Variants in ATAD2 observed in about 807,000 individuals in gnomAD.
The protein encoded by ATAD2 is ATPase family AAA domain-containing protein 2.
Under a neutral mutation model 168.9 loss-of-function variants are expected in ATAD2, and 62 were observed. That is an observed-to-expected ratio of 0.37 (90% confidence interval 0.30 to 0.45). The LOEUF is 0.45. Among genes scored for constraint, ATAD2 ranks in the 20% least tolerant of loss-of-function variants. ATAD2 has a pLI of 1.00. For synonymous variants in ATAD2, 613 were observed against 571.6 expected (o/e 1.07, Z -1.03); for missense variants, 1,419 against 1,667.8 (o/e 0.85, Z 2.60).
rs185407775 is a variant in ATAD2, at chr8:123,389,559, G to A, written c.171+6628C>T. On this transcript the variant is annotated intron_variant, in intron 1 of 27. Coordinates refer to ENST00000287394, the MANE Select transcript of ATAD2 (RefSeq NM_014109.4). ...GGAGGCTGAGGCAGGAGAATGGCGT[G>A]AACCCAGAAGGAGGAGCTTGCAGTG... is the stretch of plus-strand genomic sequence containing the variant. Among the ~76,000 whole-genome samples the A allele has an allele frequency of 9.2e-5, 14 of 151,686 alleles. No individual in the cohort carries two copies. The East Asian group carries it at 2.4e-3, about 26-fold the overall frequency.
intron 8 of ATAD2, among the ~76,000 whole-genome samples, chr8:123,367,886 G>A (rs1227547397): frequency 6.6e-6 from 1 of 152,190 alleles, no homozygotes; most frequent in African/African-American, 2.4e-5. Context: ...CAAAGGTGCT[G>A]CTTCCATGAC....
intron 19 of ATAD2, among the ~76,000 whole-genome samples, chr8:123,343,172 C>T (rs547458764): frequency 6.6e-6 from 1 of 152,060 alleles, no homozygotes; most frequent in East Asian, 1.9e-4. Context: ...GACAAGGTTT[C>T]ACCATGTTGG....
chr8:123,413,557 A>C (rs547334491), intron 1 of ATAD2, among the ~76,000 whole-genome samples: 1 of 152,278 alleles, frequency 6.6e-6, no homozygotes, highest in African/African-American at 2.4e-5. Context: ...AAGGTCACTC[A>C]GGGTAGTAAG....
intron 8 of ATAD2, among the ~76,000 whole-genome samples, chr8:123,364,967 A>G (rs939993303): frequency 6.6e-6 from 1 of 152,184 alleles, no homozygotes; most frequent in Non-Finnish European, 1.5e-5. Context: ...TATCCAAATC[A>G]GTAAAAAGGA....
upstream of ATAD2, among the ~76,000 whole-genome samples, chr8:123,399,081 T>C (rs1812964356): frequency 6.6e-6 from 1 of 151,838 alleles, no homozygotes; most frequent in African/African-American, 2.4e-5. Context: ...GTCAACATGG[T>C]GAAACCCCGT....
intron 25 of ATAD2, among the ~76,000 whole-genome samples, chr8:123,326,855 A>T (rs1313228775): frequency 1.3e-5 from 2 of 152,300 alleles, no homozygotes; most frequent in African/African-American, 4.8e-5. Context: ...ATTTAGAACA[A>T]TACATTCAAT....
At chr8:123,338,867 C>T (rs373677462) in intron 20 of ATAD2, among the ~76,000 whole-genome samples, 4 of 152,060 alleles carry the variant, frequency 2.6e-5, no homozygotes, top group African/African-American at 9.7e-5. Flanking sequence ...CCACTTCACT[C>T]CAGTGGATGA....
rs1829094723 is a variant in ATAD2 at position 123,369,921 on chromosome 8, A to ATCT, written c.830_831insAGA (p.Asp276_Asp277insGlu). 1.4e-6 allele frequency: 2 copies of ATCT among 1,415,454 alleles called. No individual in the cohort carries two copies. The highest frequency in any genetic ancestry group is 3.0e-5 in the African/African-American group (2 of 66,738). The allele number at this position is 1,415,454 out of a possible 1,614,324, so 87.7% of individuals were successfully genotyped here. On this transcript the variant is annotated inframe_insertion, in exon 7 of 28. Coordinates refer to ENST00000287394, the MANE Select transcript of ATAD2 (RefSeq NM_014109.4). The stretch of plus-strand genomic sequence containing the variant: ...CATCTTCTTCATCTTCATCATCTTC[A>ATCT]TCATCATCATCATCATCATCATCGT...
intron 1 of ATAD2, chr8:123,401,992 G>A: frequency 1.6e-6 from 2 of 1,244,248 alleles, no homozygotes; most frequent in South Asian, 2.4e-5. Flanking sequence ...CCCGCAGCCT[G>A]TCTGTCCTTT....
intron 19 of ATAD2, among the ~76,000 whole-genome samples, chr8:123,342,183 A>G (rs1405743455): frequency 6.6e-6 from 1 of 152,226 alleles, no homozygotes; most frequent in East Asian, 1.9e-4. Context: ...CAGAAGACAA[A>G]CTTGCCAATG....
At chr8:123,371,566 T>C (rs1049466902) in intron 4 of ATAD2, 104 bp downstream of exon 4, 5 of 1,023,354 alleles carry the variant, frequency 4.9e-6, no homozygotes, top group Admixed American at 5.7e-5. Flanking sequence ...ACGCTTTACG[T>C]AGTAGAATGC....
intron 24 of ATAD2, among the ~76,000 whole-genome samples, chr8:123,333,060 C>A (rs1356660426): frequency 6.6e-6 from 1 of 151,664 alleles, no homozygotes; most frequent in Non-Finnish European, 1.5e-5. Flanking sequence ...ACACCGCTAA[C>A]CCTAACCTTA....
chr8:123,411,594 T>C (rs1405113399), intron 1 of ATAD2, among the ~76,000 whole-genome samples: 1 of 151,656 alleles, frequency 6.6e-6, no homozygotes, highest in Admixed American at 6.6e-5. Context: ...TAGGAAAAAA[T>C]AGGAGGTAAA....
At chr8:123,322,089 G>A (rs1318291574) in intron 27 of ATAD2, among the ~76,000 whole-genome samples, 1 of 150,742 alleles carries the variant, frequency 6.6e-6, no homozygotes, top group Non-Finnish European at 1.5e-5. Context: ...CCAGGTTCAA[G>A]TGATTCTCAT....
chr8:123,401,896 G>T lies in ATAD2; in HGVS notation c.-2281-721C>A, dbSNP rs139764348. On this transcript the variant is annotated intron_variant, in intron 1 of 28. Coordinates refer to the ATAD2 transcript ENST00000521903. ...AGGTGAAGATCACACAGGGTGTCTC[G>T]GGCTCCATCCAGGACAAAGGGTCCA... 232 of 767,830 alleles carry T rather than the reference G, an allele frequency of 3.0e-4. 1 individual carries two copies. The African/African-American group carries it at 3.7e-3, about 12-fold the overall frequency. The allele number at this position is 767,830 out of a possible 1,614,324, so 47.6% of individuals were successfully genotyped here.
At chr8:123,325,793 T>G (rs1827598707) in intron 26 of ATAD2, 100 bp downstream of exon 26, 2 of 1,451,170 alleles carry the variant, frequency 1.4e-6, no homozygotes, top group Non-Finnish European at 1.9e-6. Flanking sequence ...TTTTACTTTT[T>G]CATGTAAATC....
rs538540424 is a variant in ATAD2 at position 123,351,950 on chromosome 8, G to A, written c.1647-2506C>T. The stretch of plus-strand genomic sequence containing the variant: ...TTTTTAGTAGAGATGGGGTTTCACC[G>A]TGTTAGCCAGGATGGTCTCGATCTC... On this transcript the variant is annotated intron_variant, in intron 13 of 27. Transcript: ENST00000287394. Among the ~76,000 whole-genome samples, 5 of 152,086 alleles carry A rather than the reference G, an allele frequency of 3.3e-5. No individual in the cohort carries two copies. The South Asian group carries it at 1.0e-3, about 32-fold the overall frequency.
chr8:123,378,458 G>A (rs201733126), intron 2 of ATAD2, among the ~76,000 whole-genome samples: 1 of 151,908 alleles, frequency 6.6e-6, no homozygotes. Flanking sequence ...TCCCAGCACT[G>A]TGGGAGGCTG....
chr8:123,359,452 C>A (rs1161504517), intron 10 of ATAD2, 116 bp from the exon 11 acceptor site: 1 of 1,227,262 alleles, frequency 8.1e-7, no homozygotes, highest in Non-Finnish European at 1.2e-6. Flanking sequence ...TGAAGATTAA[C>A]AGAAAACGTC....
Sources: allele counts gnomAD v4.1 joint callset (sites outside exome capture counted in the v4.1 genomes callset), GRCh38; gene constraint gnomAD v4.1.1; transcripts MANE v1.5; gene names NCBI Gene and HGNC (gene_info 2026-07-23, HGNC 2026-07-21).